The following BTBD9 variants were observed in gnomAD, a reference collection of about 807,000 sequenced individuals.
The protein encoded by BTBD9 is BTB/POZ domain-containing protein 9.
BTBD9 carries 49 observed loss-of-function variants against 64.3 expected under a neutral mutation model. The observed-to-expected ratio is 0.76, with a 90% CI of 0.61 to 0.97. The LOEUF (loss-of-function observed/expected upper bound fraction) is 0.97, where lower values mean the gene tolerates loss of function less well. Among genes scored for constraint, BTBD9 ranks in the 50% least tolerant of loss-of-function variants. The probability of loss-of-function intolerance (pLI) is 0.00; values close to 1 mark genes in which losing one functional copy is unlikely to be tolerated. For synonymous variants in BTBD9, 260 were observed against 274.7 expected (o/e 0.95, Z 0.53); for missense variants, 598 against 762.1 (o/e 0.78, Z 2.53).
At chr6:38,417,635 A>G (rs1767724127) in intron 6 of BTBD9, among the ~76,000 whole-genome samples, 1 of 152,004 alleles carries the variant, frequency 6.6e-6, no homozygotes, top group South Asian at 2.1e-4. Context: ...TAAGCTGGGC[A>G]TGGTGGCACG....
intron 6 of BTBD9, among the ~76,000 whole-genome samples, chr6:38,510,865 T>C (rs558508600): frequency 6.6e-6 from 1 of 152,226 alleles, no homozygotes; most frequent in Non-Finnish European, 1.5e-5. Flanking sequence ...TCATCTCCTA[T>C]GATAACAATG....
At chr6:38,477,418 C>G (rs1290895450) in intron 6 of BTBD9, among the ~76,000 whole-genome samples, 2 of 152,242 alleles carry the variant, frequency 1.3e-5, no homozygotes, top group African/African-American at 4.8e-5. Flanking sequence ...ATCTACAGGA[C>G]ATGCCAGGGG....
At chr6:38,582,544 A>G (rs767616777) in intron 4 of BTBD9, among the ~76,000 whole-genome samples, 14 of 152,230 alleles carry the variant, frequency 9.2e-5, no homozygotes, top group Non-Finnish European at 1.5e-4. Flanking sequence ...TGTTTTTAAC[A>G]GAATATTCTG....
intron 8 of BTBD9, among the ~76,000 whole-genome samples, chr6:38,268,366 C>T (rs1404424803): frequency 2.0e-5 from 3 of 152,144 alleles, no homozygotes; most frequent in Admixed American, 1.3e-4. Context: ...ATCAAGTTTT[C>T]AGAAGAATCC....
At chr6:38,210,551 TGTGTG>T in intron 9 of BTBD9, among the ~76,000 whole-genome samples, 1 of 151,198 alleles carries the variant, frequency 6.6e-6, no homozygotes, top group Non-Finnish European at 1.5e-5. Flanking sequence ...TGTGTGTGTG[TGTGTG>T]TGTGTGTGTG....
intron 10 of BTBD9, among the ~76,000 whole-genome samples, chr6:38,181,087 T>C (rs1312417649): frequency 6.6e-6 from 1 of 152,236 alleles, no homozygotes; most frequent in African/African-American, 2.4e-5. Flanking sequence ...CTGCCTCTCA[T>C]TAGAGGGATT....
chr6:38,561,257 T>G (rs866423348), intron 6 of BTBD9, among the ~76,000 whole-genome samples: 2 of 152,182 alleles, frequency 1.3e-5, no homozygotes, highest in Middle Eastern at 3.2e-3. Context: ...TATTTTTTAT[T>G]TTTTTACTTT....
At chr6:38,635,135 C>G (rs893371977) in intron 1 of BTBD9, among the ~76,000 whole-genome samples, 3 of 146,692 alleles carry the variant, frequency 2.0e-5, no homozygotes, top group Non-Finnish European at 4.5e-5. Context: ...CCAGCTATTT[C>G]TTTTTTTTTT....
At chr6:38,390,452 C>T (rs1222396519) in intron 6 of BTBD9, among the ~76,000 whole-genome samples, 5 of 152,148 alleles carry the variant, frequency 3.3e-5, no homozygotes, top group Non-Finnish European at 7.3e-5. Flanking sequence ...GCATAAAGTT[C>T]TCTAGCAATT....
intron 8 of BTBD9, among the ~76,000 whole-genome samples, chr6:38,259,940 C>A (rs1301066544): frequency 6.6e-6 from 1 of 152,192 alleles, no homozygotes; most frequent in Non-Finnish European, 1.5e-5. Flanking sequence ...TCTTAGATTA[C>A]ACTAATTTTC....
chr6:38,403,309 G>T (rs1321425656), intron 6 of BTBD9, among the ~76,000 whole-genome samples: 1 of 152,090 alleles, frequency 6.6e-6, no homozygotes, highest in Non-Finnish European at 1.5e-5. Context: ...ATATCTGATA[G>T]GGTTCTGGTA....
chr6:38,456,877 A>G (rs1219087842), intron 6 of BTBD9, among the ~76,000 whole-genome samples: 1 of 152,248 alleles, frequency 6.6e-6, no homozygotes, highest in East Asian at 1.9e-4. Flanking sequence ...ACAATTTGCC[A>G]TACCCTTTCA....
intron 1 of BTBD9, among the ~76,000 whole-genome samples, chr6:38,601,450 G>A (rs1308251129): frequency 6.6e-6 from 1 of 152,112 alleles, no homozygotes; most frequent in Non-Finnish European, 1.5e-5. Flanking sequence ...GCTCATGCCT[G>A]TAATCCCAGC....
At chr6:38,254,327 T>C (rs1172314399) in intron 9 of BTBD9, among the ~76,000 whole-genome samples, 1 of 151,950 alleles carries the variant, frequency 6.6e-6, no homozygotes, top group Non-Finnish European at 1.5e-5. Context: ...CCAATATATA[T>C]ATGCTGATAA....
intron 6 of BTBD9, among the ~76,000 whole-genome samples, chr6:38,505,964 C>CAAAAGAAAA (rs1554164033): frequency 1.2e-5 from 1 of 82,628 alleles, no homozygotes; most frequent in African/African-American, 4.1e-5. Context: ...TCCGTCTCAA[C>CAAAAGAAAA]AAAAAAAAAA....
chr6:38,221,179 T>A (rs1265553673), intron 9 of BTBD9, among the ~76,000 whole-genome samples: 3 of 152,170 alleles, frequency 2.0e-5, no homozygotes, highest in Admixed American at 2.0e-4. Flanking sequence ...ATCTCGCCAC[T>A]CTGTTACAGT....
intron 7 of BTBD9, among the ~76,000 whole-genome samples, chr6:38,313,574 A>C (rs1173129276): frequency 6.6e-6 from 1 of 151,988 alleles, no homozygotes; most frequent in Non-Finnish European, 1.5e-5. Context: ...AGTTTCTTGA[A>C]CTTTATCATA....
At chr6:38,375,891 A>AAAAGAAAAGAAAGAAAG (rs1765659800) in intron 6 of BTBD9, among the ~76,000 whole-genome samples, 1 of 122,260 alleles carries the variant, frequency 8.2e-6, no homozygotes, top group East Asian at 2.3e-4. Flanking sequence ...AGAAAGAAAG[A>AAAAGAAAAGAAAGAAAG]AAAGAAAGAA....
intron 8 of BTBD9, among the ~76,000 whole-genome samples, chr6:38,285,591 G>T (rs1477479836): frequency 2.0e-5 from 3 of 152,168 alleles, no homozygotes; most frequent in Non-Finnish European, 4.4e-5. Context: ...AGTGGGCAGA[G>T]CTACTAAACT....
Sources: allele counts gnomAD v4.1 joint callset (sites outside exome capture counted in the v4.1 genomes callset), GRCh38; gene constraint gnomAD v4.1.1; transcripts MANE v1.5; gene names NCBI Gene and HGNC (gene_info 2026-07-23, HGNC 2026-07-21).